LRP1B: variants seen among roughly 807,000 people sequenced by gnomAD.
LRP1B encodes the protein LDL receptor related protein 1B, also known as low-density lipoprotein receptor-related protein 1B.
A neutral mutation model predicts 556.6 loss-of-function variants in LRP1B; 217 were observed. The observed-to-expected ratio is 0.39, with a 90% CI of 0.35 to 0.44. The LOEUF is 0.44. Ranked by LOEUF, LRP1B falls within the 20% of genes least tolerant of loss-of-function variation. LRP1B has a pLI of 1.00. For missense variants in LRP1B, 5,053 were observed against 5,620.8 expected, an observed-to-expected ratio of 0.90 and a Z score of 3.23; for synonymous variants, 2,047 against 1,865.8, an observed-to-expected ratio of 1.10 and a Z score of -2.50.
At chr2:140,459,991 G>C (rs910749316) in intron 60 of LRP1B, among the ~76,000 whole-genome samples, 1 of 152,050 alleles carries the variant, frequency 6.6e-6, no homozygotes, top group African/African-American at 2.4e-5. Context: ...TGGAACTGTG[G>C]GTCAATTAAA....
At chr2:141,893,463 A>T (rs1699350794) in intron 1 of LRP1B, among the ~76,000 whole-genome samples, 1 of 151,726 alleles carries the variant, frequency 6.6e-6, no homozygotes, top group Admixed American at 6.6e-5. Context: ...GGCCTCCCAA[A>T]CTGCTGGGAT....
chr2:141,118,682 C>T (rs1468107729), intron 7 of LRP1B, among the ~76,000 whole-genome samples: 1 of 151,836 alleles, frequency 6.6e-6, no homozygotes, highest in Non-Finnish European at 1.5e-5. Context: ...AACATTTATT[C>T]CACACATTAT....
chr2:140,511,948 TTTA>T lies in LRP1B; in HGVS notation c.8270-1895_8270-1893del, dbSNP rs1019659506. Among the ~76,000 whole-genome samples, 10 of 152,324 alleles carry T rather than the reference TTTA, an allele frequency of 6.6e-5. No homozygotes were observed. The South Asian group carries it at 1.9e-3, about 28-fold the overall frequency. On this transcript the variant is annotated intron_variant, in intron 51 of 90. Coordinates refer to ENST00000389484, the MANE Select transcript of LRP1B (RefSeq NM_018557.3). ...TGCCATGAAACCATAAAGTGTCCTT[TTTA>T]TTATTATATTCTCAATTCAATGCTT...
At chr2:140,319,141 C>T (rs112326385) in intron 82 of LRP1B, among the ~76,000 whole-genome samples, 2,566 of 151,424 alleles carry the variant, frequency 0.017, 84 homozygotes, top group African/African-American at 0.06. Flanking sequence ...ATAATTTGGA[C>T]CAAACAAAGA....
intron 7 of LRP1B, among the ~76,000 whole-genome samples, chr2:141,125,608 C>T (rs1054424726): frequency 2.0e-5 from 3 of 152,098 alleles, no homozygotes; most frequent in Non-Finnish European, 4.4e-5. Context: ...TGAAGGCACA[C>T]ACTATCTTTG....
At chr2:141,856,060 CAA>C (rs1332201442) in intron 1 of LRP1B, among the ~76,000 whole-genome samples, 1 of 152,002 alleles carries the variant, frequency 6.6e-6, no homozygotes, top group African/African-American at 2.4e-5. Context: ...CCTTTTCATC[CAA>C]AAGAGAATTT....
chr2:140,387,251 G>A (rs905775143), intron 66 of LRP1B, among the ~76,000 whole-genome samples: 4 of 152,038 alleles, frequency 2.6e-5, no homozygotes, highest in African/African-American at 7.2e-5. Context: ...GCTTTACTTC[G>A]AAATGCAACT....
intron 1 of LRP1B, among the ~76,000 whole-genome samples, chr2:142,065,853 G>A (rs1225808497): frequency 6.6e-6 from 1 of 151,236 alleles, no homozygotes; most frequent in African/African-American, 2.4e-5. Flanking sequence ...AGATCCCTTT[G>A]AAATCATTGA....
intron 66 of LRP1B, among the ~76,000 whole-genome samples, chr2:140,405,561 A>G (rs1389751535): frequency 6.6e-6 from 1 of 152,206 alleles, no homozygotes; most frequent in African/African-American, 2.4e-5. Context: ...ATTTGAGACT[A>G]TTATGAATAC....
Position 141,358,521 on chromosome 2 carries a change from A to G in LRP1B, c.344-103880T>C, listed in dbSNP as rs895849878. On this transcript the variant is annotated intron_variant, in intron 3 of 90. Transcript: ENST00000389484. The stretch of plus-strand genomic sequence containing the variant: ...GAAAGGAGAATGGAGAAATACCCTG[A>G]CTTCTTTCTTCCTCTTACCCTCCAA... Among the ~76,000 whole-genome samples, 5 of 152,088 alleles carry G rather than the reference A, an allele frequency of 3.3e-5. 1 individual carries two copies. Among genetic ancestry groups the G allele is most frequent in the Non-Finnish European group, 5.9e-5 (4 of 68,010 alleles).
intron 2 of LRP1B, among the ~76,000 whole-genome samples, chr2:141,743,016 T>C (rs1693767697): frequency 6.6e-6 from 1 of 152,018 alleles, no homozygotes; most frequent in Non-Finnish European, 1.5e-5. Context: ...TCCTTAGGTC[T>C]TTCCAAATAT....
chr2:141,058,080 A>G (rs1041736140), intron 9 of LRP1B, among the ~76,000 whole-genome samples: 2 of 151,908 alleles, frequency 1.3e-5, no homozygotes, highest in African/African-American at 4.8e-5. Context: ...TATTCACAGT[A>G]TACATAGAAT....
intron 84 of LRP1B, among the ~76,000 whole-genome samples, chr2:140,293,861 C>T (rs185062638): frequency 5.3e-5 from 8 of 152,196 alleles, no homozygotes; most frequent in East Asian, 3.9e-4. Context: ...ATTACTACTT[C>T]GGGACCTTGA....
At chr2:140,547,212 T>C (rs1680374390) in intron 43 of LRP1B, among the ~76,000 whole-genome samples, 1 of 152,150 alleles carries the variant, frequency 6.6e-6, no homozygotes, top group African/African-American at 2.4e-5. Flanking sequence ...TTTTTTGTAC[T>C]AATTTCAGCA....
intron 7 of LRP1B, among the ~76,000 whole-genome samples, chr2:141,139,808 TGTGTGTG>T (rs1701596030): frequency 6.6e-6 from 1 of 151,664 alleles, no homozygotes; most frequent in African/African-American, 2.4e-5. Flanking sequence ...TGTGTGTGTG[TGTGTGTG>T]TGTGTATCAC....
intron 7 of LRP1B, among the ~76,000 whole-genome samples, chr2:141,115,458 G>GTTTTTTTTTTTTTTTTTT (rs70991138): frequency 1.7e-5 from 2 of 120,430 alleles, no homozygotes; most frequent in African/African-American, 3.1e-5. Flanking sequence ...TTTTGTTTTT[G>GTTTTTTTTTTTTTTTTTT]TTTTTTTTTT....
chr2:141,248,104 C>T (rs1684134449), intron 4 of LRP1B, among the ~76,000 whole-genome samples: 1 of 152,084 alleles, frequency 6.6e-6, no homozygotes, highest in Admixed American at 6.5e-5. Context: ...CATTCTATTC[C>T]TCTACCCCTT....
At chr2:141,490,369 TCGTG>T (rs1346770415) in intron 2 of LRP1B, among the ~76,000 whole-genome samples, 2 of 108,566 alleles carry the variant, frequency 1.8e-5, no homozygotes, top group Admixed American at 9.2e-5. Context: ...TAAAATAGCC[TCGTG>T]TGTGTGTGTG....
At chr2:141,491,892 T>C (rs1179276187) in intron 2 of LRP1B, among the ~76,000 whole-genome samples, 1 of 151,952 alleles carries the variant, frequency 6.6e-6, no homozygotes, top group East Asian at 1.9e-4. Flanking sequence ...TCTTCCTCTA[T>C]AGGCTAAAAT....
Sources: gnomAD v4.1 joint callset for allele counts (sites outside exome capture counted in the v4.1 genomes callset) on GRCh38, gnomAD v4.1.1 for gene constraint, MANE v1.5 for transcripts, NCBI Gene and HGNC (gene_info 2026-07-23, HGNC 2026-07-21) for gene names.